The following WNT3A variants were observed in gnomAD, a reference collection of about 807,000 sequenced individuals.
The protein encoded by WNT3A is Wnt family member 3A.
WNT3A carries 17 observed loss-of-function variants against 37.0 expected under a neutral mutation model. The observed-to-expected ratio is 0.46, with a 90% CI of 0.31 to 0.69. WNT3A has a LOEUF of 0.69. Ranked by LOEUF, WNT3A falls within the 30% of genes least tolerant of loss-of-function variation. The pLI is 0.05. For synonymous variants in WNT3A, 187 were observed against 211.0 expected, an observed-to-expected ratio of 0.89 and a Z score of 0.99; for missense variants, 411 against 510.2, an observed-to-expected ratio of 0.81 and a Z score of 1.87.
At chr1:228,053,282 A>G (rs2031597507) in intron 3 of WNT3A, among the ~76,000 whole-genome samples, 1 of 152,236 alleles carries the variant, frequency 6.6e-6, no homozygotes. Flanking sequence ...GACAGATAGC[A>G]ACATGGAAAA....
At chr1:228,019,709 C>T (rs1197272416) in intron 1 of WNT3A, among the ~76,000 whole-genome samples, 1 of 152,200 alleles carries the variant, frequency 6.6e-6, no homozygotes, top group East Asian at 1.9e-4. Flanking sequence ...TATCTCACAC[C>T]CACCACCCTC....
In WNT3A at chr1:228,059,984, T is replaced by C; in HGVS notation, c.*519T>C. 3.5e-6 allele frequency: 4 copies of C among 1,144,308 alleles called. No individual in the cohort carries two copies. In the South Asian group the frequency reaches 5.5e-5, roughly 16 times the overall value. The allele number at this position is 1,144,308 out of a possible 1,614,324, so 70.9% of individuals were successfully genotyped here. Reference sequence around the variant, plus strand: ...GCGCCTCCTTAGGAGTGGGGTTTTATGGTGGATGAGGCTTCTTCCTGGATG... The same window carrying C: ...GCGCCTCCTTAGGAGTGGGGTTTTACGGTGGATGAGGCTTCTTCCTGGATG... On this transcript the variant is annotated 3_prime_UTR_variant, in exon 4 of 4. Coordinates refer to ENST00000284523, the MANE Select transcript of WNT3A (RefSeq NM_033131.4).
intron 3 of WNT3A, among the ~76,000 whole-genome samples, chr1:228,051,304 G>C (rs1036744081): frequency 6.6e-6 from 1 of 152,204 alleles, no homozygotes. Context: ...AGTAATTTAG[G>C]GGGAGGGAGG....
At position 228,038,600 on chromosome 1, in the gene WNT3A, A is replaced by G. The variant is rs1296523376; in HGVS notation, c.314-12056A>G. Among the ~76,000 whole-genome samples, 2 of 152,162 alleles carry G rather than the reference A, an allele frequency of 1.3e-5. No homozygotes were observed. Among genetic ancestry groups the G allele is most frequent in the Non-Finnish European group, 2.9e-5 (2 of 68,028 alleles). On this transcript the variant is annotated intron_variant, in intron 2 of 3. Transcript: ENST00000284523. The surrounding 1 kb of genome is among the most constrained non-coding windows in gnomAD (Gnocchi z 5.7). ...AGCCCCTTCCAGCAGCTGTGGCGTG[A>G]GCAGGCAGGAGATGGGGGCAGCACC...
chr1:228,030,826 A>C (rs1045957279), intron 2 of WNT3A, among the ~76,000 whole-genome samples: 12 of 151,718 alleles, frequency 7.9e-5, no homozygotes, highest in African/African-American at 2.9e-4. Flanking sequence ...CTATCCCCCA[A>C]CCCTGCTTCA....
chr1:228,026,106 T>C (rs936403545), intron 2 of WNT3A, among the ~76,000 whole-genome samples: 5 of 149,348 alleles, frequency 3.3e-5, no homozygotes, highest in African/African-American at 1.2e-4. Flanking sequence ...TGTTAATATA[T>C]AGAAATTTAA....
intron 2 of WNT3A, among the ~76,000 whole-genome samples, chr1:228,044,710 C>T (rs780482956): frequency 1.3e-5 from 2 of 152,230 alleles, no homozygotes; most frequent in Non-Finnish European, 2.9e-5. Flanking sequence ...CTCCTGTGCA[C>T]AGTTAAGGTT....
At chr1:228,033,062 TA>T (rs2031049422) in intron 2 of WNT3A, among the ~76,000 whole-genome samples, 1 of 152,244 alleles carries the variant, frequency 6.6e-6, no homozygotes, top group African/African-American at 2.4e-5. Flanking sequence ...GTGCTTTATA[TA>T]GTCTGCTTAC....
At chr1:228,049,242 T>C (rs1571812885) in intron 2 of WNT3A, among the ~76,000 whole-genome samples, 1 of 152,004 alleles carries the variant, frequency 6.6e-6, no homozygotes, top group Admixed American at 6.6e-5. Context: ...ACAGCAGAGG[T>C]GGGCGGTGTG....
intron 3 of WNT3A, among the ~76,000 whole-genome samples, chr1:228,055,179 A>AAAAT (rs2031655964): frequency 3.1e-4 from 6 of 19,280 alleles, no homozygotes; most frequent in African/African-American, 8.9e-4. Flanking sequence ...AAAAAAAAAA[A>AAAAT]ATATATATAT....
At chr1:228,032,333 A>T (rs923732777) in intron 2 of WNT3A, among the ~76,000 whole-genome samples, 6 of 152,226 alleles carry the variant, frequency 3.9e-5, no homozygotes, top group African/African-American at 1.4e-4. Context: ...AAAGGCACAG[A>T]TCTGCACAGA....
chr1:228,011,571 T>A (rs2030374159), intron 1 of WNT3A, among the ~76,000 whole-genome samples: 1 of 152,214 alleles, frequency 6.6e-6, no homozygotes, highest in African/African-American at 2.4e-5. Context: ...TCTCTGTCTC[T>A]ATCTCTCTGT....
chr1:228,034,697 T>C (rs890269992), intron 2 of WNT3A, among the ~76,000 whole-genome samples: 1 of 152,236 alleles, frequency 6.6e-6, no homozygotes, highest in East Asian at 1.9e-4. Context: ...TAGAGTTATA[T>C]ATGCCAAAAA....
chr1:228,051,605 G>T (rs1351969932), intron 3 of WNT3A, among the ~76,000 whole-genome samples: 1 of 152,174 alleles, frequency 6.6e-6, no homozygotes, highest in Non-Finnish European at 1.5e-5. Context: ...TGCTCCTCAT[G>T]GATGATGCCT....
chr1:228,051,037 T>G (rs1571814081), intron 3 of WNT3A, 116 bp downstream of exon 3: 2 of 1,304,796 alleles, frequency 1.5e-6, no homozygotes, highest in Non-Finnish European at 2.0e-6. Context: ...AGGCTGAGGG[T>G]CTTCTCGACC....
At position 228,037,049 on chromosome 1, in the gene WNT3A, G is replaced by A. The variant is rs190380833; in HGVS notation, c.314-13607G>A. Among the ~76,000 whole-genome samples the A allele has an allele frequency of 3.4e-3, 524 of 152,198 alleles. 3 individuals are homozygous for A. Among genetic ancestry groups the A allele is most frequent in the Non-Finnish European group, 5.4e-3 (368 of 67,992 alleles). ...GGCCCTGGCACCTGCCAGATAGGTC[G>A]GGGGGAGTGGAGTGGCATGGGGAGG... On this transcript the variant is annotated intron_variant, in intron 2 of 3. Coordinates refer to ENST00000284523, the MANE Select transcript of WNT3A (RefSeq NM_033131.4). This position sits in a 1 kb window ranked among gnomAD's most constrained non-coding sequence, Gnocchi z 4.1.
At chr1:228,046,851 T>A (rs913180111) in intron 2 of WNT3A, among the ~76,000 whole-genome samples, 13 of 151,506 alleles carry the variant, frequency 8.6e-5, no homozygotes, top group Non-Finnish European at 1.6e-4. Context: ...TGTGTGTGCA[T>A]GTGCATCAGG....
rs1013399257 is a variant in WNT3A at position 228,042,709 on chromosome 1, T to C, written c.314-7947T>C. The stretch of plus-strand genomic sequence containing the variant: ...TGGATTGTGGATGGATGGTGGATGA[T>C]GGATGATAGATGTATGGATAATGTA... On this transcript the variant is annotated intron_variant, in intron 2 of 3. Transcript: ENST00000284523. This position sits in a 1 kb window ranked among gnomAD's most constrained non-coding sequence, Gnocchi z 5.2. 5.9e-5 allele frequency among the ~76,000 whole-genome samples: 9 copies of C among 151,546 alleles called. No homozygotes were observed. The highest frequency in any genetic ancestry group is 3.4e-3 in the Middle Eastern group (1 of 292).
At chr1:228,009,278 TGGCTTCCCCCA>T (rs1003231126) in intron 1 of WNT3A, among the ~76,000 whole-genome samples, 2 of 152,064 alleles carry the variant, frequency 1.3e-5, no homozygotes, top group Non-Finnish European at 2.9e-5. Flanking sequence ...AGCAAAGACA[TGGCTTCCCCCA>T]GGCATGAGCA....
Sources: gnomAD v4.1 joint callset for allele counts (sites outside exome capture counted in the v4.1 genomes callset) on GRCh38, gnomAD v4.1.1 for gene constraint, Gnocchi (gnomAD v3.1) non-coding constraint, MANE v1.5 for transcripts, NCBI Gene and HGNC (gene_info 2026-07-23, HGNC 2026-07-21) for gene names.